ZYG11B: variants seen among roughly 807,000 people sequenced by gnomAD.
ZYG11B encodes zyg-11 family member B, cell cycle regulator.
Under a neutral mutation model 82.4 loss-of-function variants are expected in ZYG11B, and 36 were observed. The observed-to-expected ratio is 0.44, with a 90% CI of 0.33 to 0.58. The LOEUF (loss-of-function observed/expected upper bound fraction) is 0.58, where lower values mean the gene tolerates loss of function less well. Ranked by LOEUF, ZYG11B falls within the 20% of genes least tolerant of loss-of-function variation. ZYG11B has a pLI of 0.02. For synonymous variants in ZYG11B, 303 were observed against 312.8 expected (o/e 0.97, Z 0.33); for missense variants, 552 against 895.6 (o/e 0.62, Z 4.90).
chr1:52,758,452 C>T (rs1644599045), intron 2 of ZYG11B, among the ~76,000 whole-genome samples: 1 of 152,046 alleles, frequency 6.6e-6, no homozygotes, highest in African/African-American at 2.4e-5. Flanking sequence ...AAGTAACGTC[C>T]TGAGGGTCAT....
At chr1:52,740,088 A>G (rs890341723) in intron 1 of ZYG11B, among the ~76,000 whole-genome samples, 5 of 152,168 alleles carry the variant, frequency 3.3e-5, no homozygotes, top group African/African-American at 9.7e-5. Flanking sequence ...TGTTCTTTCC[A>G]TTATTAACCC....
chr1:52,815,814 A>T (rs1645219057), intron 12 of ZYG11B, among the ~76,000 whole-genome samples: 1 of 146,576 alleles, frequency 6.8e-6, no homozygotes, highest in African/African-American at 2.4e-5. Context: ...AGGCGCCTGT[A>T]GTCCCAGCTA....
chr1:52,804,532 G>A lies in ZYG11B; in HGVS notation c.1695+2393G>A, dbSNP rs1645125027. Among the ~76,000 whole-genome samples, 4 of 152,172 alleles carry A rather than the reference G, an allele frequency of 2.6e-5. No individual in the cohort carries two copies. The South Asian group carries it at 8.3e-4, about 32-fold the overall frequency. On this transcript the variant is annotated intron_variant, in intron 10 of 13. Transcript: ENST00000294353. Reference sequence around the variant, plus strand: ...GGAGGCTGAGGCATGAGAATCGCTTGAACCTGGGAGGTGGAGGTTGCTGTG... The same window carrying A: ...GGAGGCTGAGGCATGAGAATCGCTTAAACCTGGGAGGTGGAGGTTGCTGTG...
intron 1 of ZYG11B, among the ~76,000 whole-genome samples, 176 bp downstream of exon 1, chr1:52,726,859 C>T (rs1037742580): frequency 6.6e-6 from 1 of 152,082 alleles, no homozygotes; most frequent in South Asian, 2.1e-4. Flanking sequence ...CCCCATTCAC[C>T]TGCTTCGGTG....
At chr1:52,726,832 G>A in intron 1 of ZYG11B, 149 bp downstream of exon 1, 2 of 720,666 alleles carry the variant, frequency 2.8e-6, no homozygotes, top group Non-Finnish European at 4.0e-6. Context: ...CGCCCCCTCG[G>A]TGTTCAGCTC....
At chr1:52,739,310 CA>C (rs1270210667) in intron 1 of ZYG11B, among the ~76,000 whole-genome samples, 1 of 152,064 alleles carries the variant, frequency 6.6e-6, no homozygotes, top group Non-Finnish European at 1.5e-5. Flanking sequence ...TAAACTTTCA[CA>C]AGTCATTTTA....
intron 13 of ZYG11B, among the ~76,000 whole-genome samples, chr1:52,816,988 G>A (rs1645230779): frequency 6.6e-6 from 1 of 151,626 alleles, no homozygotes; most frequent in African/African-American, 2.4e-5. Flanking sequence ...TTTTAGTAGA[G>A]ACGGGGTTTC....
At chr1:52,797,506 TA>T (rs1166887129) in intron 8 of ZYG11B, among the ~76,000 whole-genome samples, 11 of 91,354 alleles carry the variant, frequency 1.2e-4, no homozygotes, top group African/African-American at 4.6e-4. Context: ...TATATAAAAA[TA>T]TATATATATA....
intron 2 of ZYG11B, among the ~76,000 whole-genome samples, chr1:52,757,016 CG>C (rs1558123167): frequency 6.7e-6 from 1 of 149,154 alleles, no homozygotes; most frequent in East Asian, 2.0e-4. Context: ...ATGGGGCAAA[CG>C]TTTTTTGACT....
rs527631378 is a variant in ZYG11B, at chr1:52,755,890, C to T, written c.31-568C>T. On this transcript the variant is annotated intron_variant, in intron 1 of 13. Transcript: ENST00000294353. The stretch of plus-strand genomic sequence containing the variant: ...TCTCGGCTCACTACAACTTCCGCCT[C>T]TTGGATTCAAGTGATTCTCCTGCCT... Among the ~76,000 whole-genome samples the T allele has an allele frequency of 2.7e-3, 414 of 152,284 alleles. 3 individuals carry two copies. Among genetic ancestry groups the T allele is most frequent in the African/African-American group, 9.5e-3 (395 of 41,556 alleles).
chr1:52,803,044 TTTTTTTA>T (rs1558139886), intron 10 of ZYG11B, among the ~76,000 whole-genome samples: 1 of 141,286 alleles, frequency 7.1e-6, no homozygotes, highest in Non-Finnish European at 1.5e-5. Flanking sequence ...AACTTTATTT[TTTTTTTA>T]TTTTTTATTT....
chr1:52,776,551 A>G (rs1644812471), intron 3 of ZYG11B, among the ~76,000 whole-genome samples: 1 of 151,428 alleles, frequency 6.6e-6, no homozygotes, highest in African/African-American at 2.4e-5. Context: ...AAAAAAAAAA[A>G]ATTGGCTTAG....
chr1:52,806,951 C>T (rs1042564240), intron 10 of ZYG11B, among the ~76,000 whole-genome samples: 5 of 152,126 alleles, frequency 3.3e-5, no homozygotes, highest in African/African-American at 7.2e-5. Context: ...TCGCTGCAAC[C>T]TCCACCTCCC....
intron 6 of ZYG11B, among the ~76,000 whole-genome samples, chr1:52,790,871 A>G (rs1644952933): frequency 1.3e-5 from 2 of 148,360 alleles, no homozygotes; most frequent in Admixed American, 1.4e-4. Context: ...AAGGGAGGCC[A>G]TATAACTAGA....
Position 52,821,588 on chromosome 1 carries a change from C to A in ZYG11B, c.2194C>A (p.Pro732Thr). The change falls in exon 14 of 14, where the codon CCA becomes ACA. Residue 732 changes from proline to threonine, a missense_variant. Transcript: ENST00000294353. The part of the protein sequence containing the change: ...LEKHIVRHGR[P>T]PPCKKQPQAR... ...AAAACACATTGTGCGCCATGGGAGG[C>A]CACCTCCCTGTAAAAAACAGCCCCA... 1 of 1,613,696 alleles carries A rather than the reference C, an allele frequency of 6.2e-7. No individual in the cohort carries two copies. The highest frequency in any genetic ancestry group is 8.5e-7 in the Non-Finnish European group (1 of 1,179,858).
chr1:52,819,925 T>A (rs1247897136), intron 13 of ZYG11B, among the ~76,000 whole-genome samples: 3 of 149,474 alleles, frequency 2.0e-5, no homozygotes, highest in African/African-American at 7.4e-5. Flanking sequence ...TTTTATTTTA[T>A]TTTTTTTTTG....
At chr1:52,767,142 GTTGTT>G (rs1644700323) in intron 2 of ZYG11B, among the ~76,000 whole-genome samples, 1 of 143,238 alleles carries the variant, frequency 7.0e-6, no homozygotes, top group Admixed American at 7.0e-5. Context: ...GTTATTTTAT[GTTGTT>G]TTGTTATTTT....
chr1:52,806,727 G>A (rs1447939292), intron 10 of ZYG11B, among the ~76,000 whole-genome samples: 2 of 151,878 alleles, frequency 1.3e-5, no homozygotes, highest in African/African-American at 4.8e-5. Context: ...ATTTCTTGTA[G>A]ATAGCATATA....
chr1:52,762,469 A>G (rs1477476275), intron 2 of ZYG11B, among the ~76,000 whole-genome samples: 1 of 151,940 alleles, frequency 6.6e-6, no homozygotes, highest in African/African-American at 2.4e-5. Context: ...TCGGCCTCCC[A>G]AAGTGCTAGA....
Sources: allele counts gnomAD v4.1 joint callset (sites outside exome capture counted in the v4.1 genomes callset), GRCh38; gene constraint gnomAD v4.1.1; transcripts MANE v1.5; gene names NCBI Gene and HGNC (gene_info 2026-07-23, HGNC 2026-07-21).